The following SPDL1 variants were observed in gnomAD, a reference collection of about 807,000 sequenced individuals.
SPDL1 encodes protein Spindly.
In SPDL1, 85 loss-of-function variants were observed where a neutral mutation model predicts 79.5. That is an observed-to-expected ratio of 1.07 (90% CI 0.90 to 1.28). SPDL1 has a LOEUF of 1.28. Ranked by LOEUF, SPDL1 falls within the 50% of genes most tolerant of loss-of-function variation. The pLI is 0.00. For synonymous variants in SPDL1, 269 were observed against 240.3 expected, an observed-to-expected ratio of 1.12 and a Z score of -1.10; for missense variants, 703 against 697.8, an observed-to-expected ratio of 1.01 and a Z score of -0.08.
At chr5:169,591,301 TTTC>T in intron 3 of SPDL1, 77 bp downstream of exon 3, 1 of 1,478,768 alleles carries the variant, frequency 6.8e-7, no homozygotes, top group Non-Finnish European at 9.1e-7. Flanking sequence ...TGATAAAGAT[TTTC>T]TTAAGTGTCA....
chr5:169,590,623 A>G (rs981139159), intron 2 of SPDL1: 1 of 421,268 alleles, frequency 2.4e-6, no homozygotes, highest in African/African-American at 2.0e-5. Context: ...AGGCTAATTC[A>G]GTATTTCTTT....
chr5:169,600,900 T>G (rs564884598), intron 10 of SPDL1, among the ~76,000 whole-genome samples: 11 of 152,240 alleles, frequency 7.2e-5, no homozygotes, highest in Non-Finnish European at 1.3e-4. Flanking sequence ...GTTAAATAAT[T>G]CCCCAAAGAC....
rs1755483385 is a variant in SPDL1 at position 169,594,479 on chromosome 5, CTTTG to C, written c.772_775del (p.Phe258GlnfsTer17). On this transcript the variant is annotated frameshift_variant, in exon 6 of 12. Coordinates refer to ENST00000265295, the MANE Select transcript of SPDL1 (RefSeq NM_017785.5). LOFTEE classifies it high-confidence loss of function. Reference sequence around the variant, plus strand: ...TTGGATCCCAATAGTAAAGGCAACTCTTTGTTTGCAGAGGTACTTATAAGTATCC... The same window carrying C: ...TTGGATCCCAATAGTAAAGGCAACTCTTTGCAGAGGTACTTATAAGTATCC... The C allele has an allele frequency of 2.5e-6, 4 of 1,613,968 alleles. No homozygotes were observed. Among genetic ancestry groups the C allele is most frequent in the Non-Finnish European group, 3.4e-6 (4 of 1,179,872 alleles).
At position 169,601,260 on chromosome 5, in the gene SPDL1, C is replaced by T; in HGVS notation, c.1325-20C>T. On this transcript the variant is annotated intron_variant, in intron 10 of 11. Transcript: ENST00000265295. ...TGTTTTCTTAGATTTTTTCTTTTCC[C>T]CACTCGTTTTTATTCTCAGAGACAG... The T allele has an allele frequency of 1.3e-6, 2 of 1,568,406 alleles. No individual in the cohort carries two copies. The highest frequency in any genetic ancestry group is 1.7e-6 in the Non-Finnish European group (2 of 1,159,604).
chr5:169,600,956 G>T (rs1001301556), intron 10 of SPDL1, among the ~76,000 whole-genome samples: 10 of 152,084 alleles, frequency 6.6e-5, no homozygotes, highest in Admixed American at 6.6e-4. Flanking sequence ...GGACTCTGCC[G>T]CTGTCTCTTC....
At chr5:169,584,232 A>AC (rs2113301070) in intron 1 of SPDL1, 1 of 152,304 alleles carries the variant, frequency 6.6e-6, no homozygotes, top group South Asian at 2.1e-4. Flanking sequence ...GGTTTCAGAG[A>AC]TAGCGCATAA....
At position 169,596,624 on chromosome 5, in the gene SPDL1, T is replaced by C. The variant is rs1333447805; in HGVS notation, c.955T>C (p.Leu319=). 3 of 1,608,342 alleles carry C rather than the reference T, an allele frequency of 1.9e-6. No homozygotes were observed. Among genetic ancestry groups the C allele is most frequent in the Non-Finnish European group, 2.5e-6 (3 of 1,178,278 alleles). Residue 319 remains leucine, a synonymous_variant, in exon 8 of 12, where the codon TTG becomes CTG. Transcript: ENST00000265295. ...AACTGAATTTGAGCAGCAGGAACGG[T>C]TGCTTGCCATGTTGGAGCAGAAGAA... ...SQTEFEQQER[L]LAMLEQKNGE...
At chr5:169,602,410 A>G (rs1367719219) in intron 11 of SPDL1, among the ~76,000 whole-genome samples, 1 of 152,230 alleles carries the variant, frequency 6.6e-6, no homozygotes, top group Non-Finnish European at 1.5e-5. Flanking sequence ...TGGGATTGTT[A>G]GAGGCATTTA....
chr5:169,598,722 C>A, intron 9 of SPDL1, 143 bp downstream of exon 9: 1 of 927,480 alleles, frequency 1.1e-6, no homozygotes, highest in Non-Finnish European at 1.7e-6. Flanking sequence ...TGCAGATATT[C>A]ATGTGTGAAT....
chr5:169,586,799 C>G (rs1035588332), intron 1 of SPDL1, among the ~76,000 whole-genome samples: 1 of 152,206 alleles, frequency 6.6e-6, no homozygotes, highest in Non-Finnish European at 1.5e-5. Flanking sequence ...TTCACATGGT[C>G]TCTGCTTCCA....
At chr5:169,589,613 G>C (rs1318702909) in intron 2 of SPDL1, among the ~76,000 whole-genome samples, 1 of 150,760 alleles carries the variant, frequency 6.6e-6, no homozygotes, top group East Asian at 1.9e-4. Context: ...TGAGTCCTCA[G>C]ATTTCAGCTT....
At position 169,594,557 on chromosome 5, in the gene SPDL1, T is replaced by G; in HGVS notation, c.781-14T>G. On this transcript the variant is annotated splice_polypyrimidine_tract_variant and intron_variant, in intron 6 of 11. Transcript: ENST00000265295. ...TTTACTACCAGAACAATTAAGCATGTTAATATTTTGTAGGTGGAAGATCGA... is the reference window on the plus strand; with the variant it reads ...TTTACTACCAGAACAATTAAGCATGGTAATATTTTGTAGGTGGAAGATCGA... 3 of 1,612,458 alleles carry G rather than the reference T, an allele frequency of 1.9e-6. No individual in the cohort carries two copies. Among genetic ancestry groups the G allele is most frequent in the Non-Finnish European group, 2.5e-6 (3 of 1,178,512 alleles).
At chr5:169,595,850 A>G (rs1361235275) in intron 7 of SPDL1, 1 of 152,218 alleles carries the variant, frequency 6.6e-6, no homozygotes, top group Non-Finnish European at 1.5e-5. Flanking sequence ...TTAAAATGTT[A>G]AAAGTCATCT....
rs780349718 is a variant in SPDL1, at chr5:169,598,630, A to G, written c.1136+51A>G. ...AAGATGAACATGTCACTTGCTTACT[A>G]TGGTAGTGTCAGTGACTACAAAGTT... On this transcript the variant is annotated intron_variant, in intron 9 of 11. Transcript: ENST00000265295. 17 of 1,420,342 alleles carry G rather than the reference A, an allele frequency of 1.2e-5. No individual in the cohort carries two copies. In the East Asian group the frequency reaches 1.8e-4, roughly 15 times the overall value. 88.0% of individuals were successfully genotyped at this position (1,420,342 alleles called of 1,614,324 possible).
intron 1 of SPDL1, among the ~76,000 whole-genome samples, chr5:169,585,428 T>A (rs1754941262): frequency 6.6e-6 from 1 of 152,192 alleles, no homozygotes; most frequent in African/African-American, 2.4e-5. Context: ...ATTTTTTGAA[T>A]AAACTAAAGC....
In SPDL1 at chr5:169,588,465, G is replaced by A; in HGVS notation, c.49G>A (p.Glu17Lys). The A allele has an allele frequency of 1.9e-6, 3 of 1,613,812 alleles. No homozygotes were observed. The highest frequency in any genetic ancestry group is 2.5e-6 in the Non-Finnish European group (3 of 1,179,862). ...TNLRCRLKEA[E>K]EERLKAAQYG... is the part of the protein sequence containing the mutation. ...TCTTCGATGCAGGCTCAAAGAGGCT[G>A]AAGAAGAGCGACTAAAAGCTGCACA... Residue 17 changes from glutamate (E) to lysine (K), a missense_variant, in exon 2 of 12, where the codon GAA becomes AAA. Glu to Lys is a moderately conservative substitution (Grantham distance 56). Coordinates refer to ENST00000265295, the MANE Select transcript of SPDL1 (RefSeq NM_017785.5).
rs1322399046 is a variant in SPDL1 at position 169,588,657 on chromosome 5, A to AGTTTATTCTTTTCTGAAGT, written c.159+100_159+101insTGTTTATTCTTTTCTGAAG. On this transcript the variant is annotated intron_variant, in intron 2 of 11. Transcript: ENST00000265295. ...CTGTTTAGCAATTAATAGTAGTAGT[A>AGTTTATTCTTTTCTGAAGT]GTTTATTCTTTTCTGAAGATTTTAG... 10 of 1,277,384 alleles carry AGTTTATTCTTTTCTGAAGT rather than the reference A, an allele frequency of 7.8e-6. No homozygotes were observed. The African/African-American group carries it at 1.2e-4, about 16-fold the overall frequency. The allele number at this position is 1,277,384 out of a possible 1,614,324, so 79.1% of individuals were successfully genotyped here.
At chr5:169,594,784 T>TA in intron 7 of SPDL1, 103 bp downstream of exon 7, 1 of 681,876 alleles carries the variant, frequency 1.5e-6, no homozygotes, top group Non-Finnish European at 2.5e-6. Flanking sequence ...GGAGTGTACT[T>TA]ATATAGTTGT....
rs749122828 is a variant in SPDL1, at chr5:169,594,598, C to T, written c.808C>T (p.Arg270Cys). 12 of 1,613,880 alleles carry T rather than the reference C, an allele frequency of 7.4e-6. No homozygotes were observed. The highest frequency in any genetic ancestry group is 2.2e-5 in the East Asian group (1 of 44,854). Residue 270 changes from arginine to cysteine, a missense_variant, in exon 7 of 12, where the codon CGT becomes TGT. Arg to Cys is a radical substitution (Grantham distance 180, BLOSUM62 -3). Coordinates refer to ENST00000265295, the MANE Select transcript of SPDL1 (RefSeq NM_017785.5). ...EVEDRRAAME[R>C]QLISMKVKYQ... ...GGAAGATCGAAGGGCAGCAATGGAA[C>T]GTCAGCTCATCAGTATGAAAGTCAA...
Sources: allele counts gnomAD v4.1 joint callset (sites outside exome capture counted in the v4.1 genomes callset), GRCh38; gene constraint gnomAD v4.1.1; transcripts MANE v1.5; gene names NCBI Gene and HGNC (gene_info 2026-07-23, HGNC 2026-07-21).